The following TSC2 variants were observed in gnomAD, a reference collection of about 807,000 sequenced individuals.
TSC2 encodes the protein TSC complex subunit 2, also known as tuberin.
In TSC2, 29 loss-of-function variants were observed where a neutral mutation model predicts 202.2. That is an observed-to-expected ratio of 0.14 (90% CI 0.11 to 0.20). The LOEUF (loss-of-function observed/expected upper bound fraction) is 0.20. TSC2 is among the 10% of genes least tolerant of loss of function. The pLI is 1.00. For synonymous variants in TSC2, 1,349 were observed against 1,044.0 expected (o/e 1.29, Z -5.63); for missense variants, 2,429 against 2,420.0 (o/e 1.00, Z -0.08).
chr16:2,065,925 A>G (rs887196266), intron 16 of TSC2, among the ~76,000 whole-genome samples: 5 of 152,212 alleles, frequency 3.3e-5, no homozygotes, highest in African/African-American at 1.2e-4. Flanking sequence ...CACCCAGCAC[A>G]GCACCTGGGA....
chr16:2,049,778 C>A (rs542053851), intron 2 of TSC2, among the ~76,000 whole-genome samples: 1 of 151,282 alleles, frequency 6.6e-6, no homozygotes, highest in Non-Finnish European at 1.5e-5. Flanking sequence ...GAGCCGTGAT[C>A]GCGCCACTGC....
At chr16:2,084,919 A>AGGCC in intron 34 of TSC2, 32 bp from the exon 35 acceptor site, 1 of 1,612,538 alleles carries the variant, frequency 6.2e-7, no homozygotes. Flanking sequence ...CCAGGCCCTC[A>AGGCC]CCTGGGTGCC....
chr16:2,072,457 G>T, intron 20 of TSC2, 94 bp downstream of exon 20: 1 of 1,548,318 alleles, frequency 6.5e-7, no homozygotes. Context: ...GAGACCCTTC[G>T]GGCTCGGGCT....
At chr16:2,086,571 C>T (rs540751586) in intron 37 of TSC2, among the ~76,000 whole-genome samples, 161 bp from the exon 38 acceptor site, 127 of 152,294 alleles carry the variant, frequency 8.3e-4, no homozygotes, top group African/African-American at 2.9e-3. Context: ...CGTCCCAAAG[C>T]CCTGCCCCTG....
chr16:2,066,985 C>T lies in TSC2; in HGVS notation c.1716+1350C>T, dbSNP rs891901377. 3.3e-5 allele frequency among the ~76,000 whole-genome samples: 5 copies of T among 152,058 alleles called. No homozygotes were observed. The South Asian group carries it at 6.2e-4, about 19-fold the overall frequency. ...CCTGCCTCTACTTTTCAAAGCCTCACAGCATCACTTACGTGTGACTGTCAG... is the reference window on the plus strand; with the variant it reads ...CCTGCCTCTACTTTTCAAAGCCTCATAGCATCACTTACGTGTGACTGTCAG... On this transcript the variant is annotated intron_variant, in intron 16 of 41. Transcript: ENST00000219476.
At chr16:2,066,651 C>CT (rs34619573) in intron 16 of TSC2, among the ~76,000 whole-genome samples, 27,586 of 98,486 alleles carry the variant, frequency 0.28, 5,470 homozygotes, top group Non-Finnish European at 0.38. Context: ...TCTGATTTAT[C>CT]TTTTTTTTTT....
At chr16:2,066,704 G>A (rs1254860486) in intron 16 of TSC2, among the ~76,000 whole-genome samples, 2 of 138,718 alleles carry the variant, frequency 1.4e-5, no homozygotes, top group East Asian at 2.1e-4. Flanking sequence ...CGCCCAGGCT[G>A]GAGTGGAGTG....
rs142085017 is a variant in TSC2, at chr16:2,086,745, C to T, written c.4863C>T (p.Ile1621=). 9.9e-6 allele frequency: 16 copies of T among 1,610,562 alleles called. No individual in the cohort carries two copies. Among genetic ancestry groups the T allele is most frequent in the African/African-American group, 9.3e-5 (7 of 74,880 alleles). ...HDDIMQAVFH[I]ATLMPTKDVD... is the part of the protein sequence containing the mutation. ...GCTCACCCTCAGCCGTCTTCCACAT[C>T]GCCACCCTGATGCCCACCAAGGACG... Residue 1621 remains isoleucine (I), a synonymous_variant, in exon 38 of 42, where the codon ATC becomes ATT. Coordinates refer to ENST00000219476, the MANE Select transcript of TSC2 (RefSeq NM_000548.5).
intron 32 of TSC2, chr16:2,083,078 G>T (rs1484769357): frequency 2.2e-6 from 1 of 454,894 alleles, no homozygotes; most frequent in Non-Finnish European, 4.4e-6. Context: ...GGGCCCTGGG[G>T]TGGCTGACTG....
intron 14 of TSC2, chr16:2,063,385 C>G (rs1247128853): frequency 5.6e-5 from 27 of 481,672 alleles, no homozygotes. Context: ...GGGACATTGT[C>G]TTCCGTTTCA....
At chr16:2,052,422 A>C (rs1419768147) in intron 3 of TSC2, among the ~76,000 whole-genome samples, 2 of 151,990 alleles carry the variant, frequency 1.3e-5, no homozygotes, top group Admixed American at 6.6e-5. Flanking sequence ...TGATCCTCCT[A>C]CTTTAGCCTC....
At chr16:2,060,596 A>C in intron 10 of TSC2, 74 bp from the exon 11 acceptor site, 1 of 1,610,874 alleles carries the variant, frequency 6.2e-7, no homozygotes, top group Non-Finnish European at 8.5e-7. Context: ...TCTCGGTCCC[A>C]AGGGTGACTG....
intron 25 of TSC2, 101 bp from the exon 26 acceptor site, chr16:2,077,497 T>C: frequency 6.4e-7 from 1 of 1,566,158 alleles, no homozygotes; most frequent in African/African-American, 1.3e-5. Context: ...ATCCTGACCC[T>C]GTGGCCTGGG....
intron 15 of TSC2, 180 bp from the exon 16 acceptor site, chr16:2,065,339 G>T: frequency 1.6e-6 from 1 of 637,546 alleles, no homozygotes; most frequent in Non-Finnish European, 2.8e-6. Flanking sequence ...CGTGAACCTG[G>T]GAGGCGGAGC....
rs79668097 is a variant in TSC2, at chr16:2,060,816, G to T, written c.1119+3G>T. The T allele has an allele frequency of 6.2e-7, 1 of 1,613,274 alleles. No individual in the cohort carries two copies. The highest frequency in any genetic ancestry group is 8.5e-7 in the Non-Finnish European group (1 of 1,179,942). On this transcript the variant is annotated splice_donor_region_variant and intron_variant, in intron 11 of 41. Coordinates refer to ENST00000219476, the MANE Select transcript of TSC2 (RefSeq NM_000548.5). Reference sequence around the variant, plus strand: ...AACGGCTCCTTCAGCAGCTCCAGGTGGGGTGGGGGCAGGAGCTCCGGGGAG... The same window carrying T: ...AACGGCTCCTTCAGCAGCTCCAGGTTGGGTGGGGGCAGGAGCTCCGGGGAG...
Position 2,079,813 on chromosome 16 carries a change from T to G in TSC2, c.3397+144T>G. The G allele has an allele frequency of 2.5e-6, 2 of 797,430 alleles. No homozygotes were observed. Among genetic ancestry groups the G allele is most frequent in the Non-Finnish European group, 3.9e-6 (2 of 515,438 alleles). The allele number at this position is 797,430 out of a possible 1,614,324, so 49.4% of individuals were successfully genotyped here. ...CCACGTCCTGACTCTGGGGTGAGCC[T>G]TCCACAGCTCACCCCAGAGCCGTGG... On this transcript the variant is annotated intron_variant, in intron 29 of 41. Transcript: ENST00000219476. The surrounding 1 kb of genome is among the most constrained non-coding windows in gnomAD (Gnocchi z 4.6).
intron 21 of TSC2, among the ~76,000 whole-genome samples, chr16:2,073,196 A>G (rs2088749727): frequency 6.6e-6 from 1 of 152,202 alleles, no homozygotes; most frequent in Non-Finnish European, 1.5e-5. Context: ...GGAGCCATCC[A>G]GTGTTCCCTG....
chr16:2,071,771 C>T lies in TSC2; in HGVS notation c.1947-13C>T, dbSNP rs2151303173. ...CGGGGACTTGGCCTCAGCTGCTTCT[C>T]TTGCTTCTGCAGGGAGCCAGAGAGA... On this transcript the variant is annotated splice_polypyrimidine_tract_variant and intron_variant, in intron 18 of 41. Transcript: ENST00000219476. 2 of 1,604,444 alleles carry T rather than the reference C, an allele frequency of 1.2e-6. No individual in the cohort carries two copies. Among genetic ancestry groups the T allele is most frequent in the Non-Finnish European group, 1.7e-6 (2 of 1,176,226 alleles).
At chr16:2,086,502 C>T (rs754237529) in intron 37 of TSC2, 123 bp downstream of exon 37, 9 of 1,452,516 alleles carry the variant, frequency 6.2e-6, no homozygotes, top group East Asian at 2.5e-5. Context: ...GCTCCCCACG[C>T]CTCAGGTTCC....
Sources: gnomAD v4.1 joint callset for allele counts (sites outside exome capture counted in the v4.1 genomes callset) on GRCh38, gnomAD v4.1.1 for gene constraint, Gnocchi (gnomAD v3.1) non-coding constraint, MANE v1.5 for transcripts, NCBI Gene and HGNC (gene_info 2026-07-23, HGNC 2026-07-21) for gene names.